The following EPM2A variants were observed in gnomAD, a reference collection of about 807,000 sequenced individuals.
EPM2A encodes EPM2A glucan phosphatase, laforin, also known as laforin.
In EPM2A, 21 loss-of-function variants were observed where a neutral mutation model predicts 26.5. The observed-to-expected ratio is 0.79, with a 90% CI of 0.56 to 1.14. EPM2A has a LOEUF of 1.14. Among genes scored for constraint, EPM2A ranks in the 50% most tolerant of loss-of-function variants. The pLI, the probability that EPM2A is intolerant of heterozygous loss-of-function variation, is 0.00. For missense variants in EPM2A, 458 were observed against 440.8 expected (o/e 1.04, Z -0.35); for synonymous variants, 217 against 177.6 (o/e 1.22, Z -1.76).
chr6:145,457,161 A>G (rs1461859956), intron 4 of EPM2A, among the ~76,000 whole-genome samples: 1 of 152,164 alleles, frequency 6.6e-6, no homozygotes, highest in Non-Finnish European at 1.5e-5. Context: ...AATTTGCCCA[A>G]AGTTTTTCTG....
At chr6:145,576,719 AAAGT>A (rs1323342282) in intron 2 of EPM2A, among the ~76,000 whole-genome samples, 2 of 152,208 alleles carry the variant, frequency 1.3e-5, no homozygotes, top group Non-Finnish European at 2.9e-5. Flanking sequence ...CTCACTGGTA[AAAGT>A]AAGTACACAA....
chr6:145,450,606 A>C (rs1228363562), intron 4 of EPM2A, among the ~76,000 whole-genome samples: 3 of 152,140 alleles, frequency 2.0e-5, no homozygotes, highest in Non-Finnish European at 2.9e-5. Context: ...AAGCAGTTAA[A>C]TGTTCTTGGG....
At chr6:145,732,480 T>C (rs1243560970) in intron 1 of EPM2A, among the ~76,000 whole-genome samples, 2 of 151,972 alleles carry the variant, frequency 1.3e-5, no homozygotes, top group Non-Finnish European at 2.9e-5. Context: ...ACAGGAATCC[T>C]AATTCTTCAA....
chr6:145,686,894 T>C (rs1780957789), intron 1 of EPM2A: 1 of 155,272 alleles, frequency 6.4e-6, no homozygotes, highest in Admixed American at 6.4e-5. Context: ...GCGGAGCTAG[T>C]AGCACCTGCC....
chr6:145,390,517 G>T (rs531934070), intron 4 of EPM2A, among the ~76,000 whole-genome samples: 2 of 151,416 alleles, frequency 1.3e-5, no homozygotes, highest in Non-Finnish European at 2.9e-5. Flanking sequence ...GTAAACAAAA[G>T]GTTCATTCTC....
chr6:145,538,292 T>C (rs1397121912), intron 2 of EPM2A, among the ~76,000 whole-genome samples: 1 of 152,136 alleles, frequency 6.6e-6, no homozygotes, highest in Non-Finnish European at 1.5e-5. Flanking sequence ...GTTCATGCAC[T>C]GTGGGAACTT....
chr6:145,524,502 T>G (rs1284405074), intron 2 of EPM2A, among the ~76,000 whole-genome samples: 1 of 152,186 alleles, frequency 6.6e-6, no homozygotes, highest in Non-Finnish European at 1.5e-5. Flanking sequence ...CATTATAGTT[T>G]TGATTTGCAT....
intron 2 of EPM2A, chr6:145,639,771 C>G (rs1272947081): frequency 6.6e-6 from 1 of 152,082 alleles, no homozygotes; most frequent in Non-Finnish European, 1.5e-5. Context: ...ATGCACAGTA[C>G]CTTCTAACTG....
intron 1 of EPM2A, among the ~76,000 whole-genome samples, chr6:145,703,645 G>A (rs1465534261): frequency 6.6e-6 from 1 of 152,114 alleles, no homozygotes; most frequent in South Asian, 2.1e-4. Context: ...AATCCATTAC[G>A]CTGCTGAATG....
downstream of EPM2A, among the ~76,000 whole-genome samples, chr6:145,497,414 G>A (rs906905599): frequency 2.0e-5 from 3 of 152,152 alleles, no homozygotes; most frequent in African/African-American, 7.2e-5. Flanking sequence ...CCCTTTCTCT[G>A]GGAGCTCCAT....
chr6:145,421,403 T>G (rs1582742165), intron 4 of EPM2A, among the ~76,000 whole-genome samples: 1 of 152,156 alleles, frequency 6.6e-6, no homozygotes, highest in Non-Finnish European at 1.5e-5. Flanking sequence ...CCTACCATTA[T>G]GTTTATGCAT....
chr6:145,443,559 C>G (rs1418869311), intron 4 of EPM2A, among the ~76,000 whole-genome samples: 1 of 152,146 alleles, frequency 6.6e-6, no homozygotes, highest in African/African-American at 2.4e-5. Context: ...AGGAATGCTA[C>G]TGACTTTCAT....
chr6:145,598,127 T>C (rs1400926280), intron 2 of EPM2A, among the ~76,000 whole-genome samples: 1 of 152,200 alleles, frequency 6.6e-6, no homozygotes, highest in Non-Finnish European at 1.5e-5. Flanking sequence ...GTTTTGTTTT[T>C]AGCTCTTTGA....
intron 2 of EPM2A, among the ~76,000 whole-genome samples, chr6:145,524,193 A>G (rs1425570923): frequency 1.3e-5 from 2 of 152,168 alleles, no homozygotes; most frequent in African/African-American, 4.8e-5. Flanking sequence ...TCCACCATTG[A>G]TGGGCATCTA....
At chr6:145,519,225 T>A (rs1474368562) in intron 2 of EPM2A, among the ~76,000 whole-genome samples, 1 of 152,222 alleles carries the variant, frequency 6.6e-6, no homozygotes, top group Non-Finnish European at 1.5e-5. Flanking sequence ...AAAAAAGCTC[T>A]ACTAGGACTC....
At chr6:145,617,262 C>T (rs1775533456) in intron 2 of EPM2A, among the ~76,000 whole-genome samples, 1 of 152,148 alleles carries the variant, frequency 6.6e-6, no homozygotes. Flanking sequence ...CTCTTGTCTG[C>T]TACCATATGA....
At chr6:145,566,462 G>A (rs1286597597) in intron 2 of EPM2A, among the ~76,000 whole-genome samples, 4 of 152,190 alleles carry the variant, frequency 2.6e-5, no homozygotes, top group Admixed American at 6.5e-5. Context: ...GTTCGGGTCT[G>A]AGTCTGTTCT....
chr6:145,620,986 C>T (rs562696182), downstream of EPM2A, among the ~76,000 whole-genome samples: 1 of 152,256 alleles, frequency 6.6e-6, no homozygotes, highest in Non-Finnish European at 1.5e-5. Context: ...TAGCAAATTT[C>T]AAGTATACAA....
Position 145,627,389 on chromosome 6 carries a change from A to C in EPM2A, c.*27T>G, listed in dbSNP as rs1216742668. ...TCATCCCAGGCTCCTTAGGGAAATC[A>C]GGAGGGGGCAGAAGCAGGCTGACCA... is the stretch of plus-strand genomic sequence containing the variant. On this transcript the variant is annotated 3_prime_UTR_variant, in exon 4 of 4. Coordinates refer to ENST00000367519, the MANE Select transcript of EPM2A (RefSeq NM_005670.4). 6.2e-7 allele frequency: 1 copy of C among 1,613,644 alleles called. No homozygotes were observed. The highest frequency in any genetic ancestry group is 2.2e-5 in the East Asian group (1 of 44,874).
Sources: gnomAD v4.1 joint callset for allele counts (sites outside exome capture counted in the v4.1 genomes callset) on GRCh38, gnomAD v4.1.1 for gene constraint, MANE v1.5 for transcripts, NCBI Gene and HGNC (gene_info 2026-07-23, HGNC 2026-07-21) for gene names.